CTNND2: variants seen among roughly 807,000 people sequenced by gnomAD.
CTNND2 encodes the protein catenin delta-2.
A neutral mutation model predicts 144.4 loss-of-function variants in CTNND2; 22 were observed. The observed-to-expected ratio is 0.15, with a 90% CI of 0.11 to 0.22. CTNND2 has a LOEUF of 0.22. Ranked by LOEUF, CTNND2 falls within the 10% of genes least tolerant of loss-of-function variation. The pLI, the probability that CTNND2 is intolerant of heterozygous loss-of-function variation, is 1.00. For synonymous variants in CTNND2, 751 were observed against 695.6 expected, an observed-to-expected ratio of 1.08 and a Z score of -1.25; for missense variants, 1,353 against 1,618.8, an observed-to-expected ratio of 0.84 and a Z score of 2.82.
chr5:10,994,371 A>AGC (rs1333121919), intron 18 of CTNND2, among the ~76,000 whole-genome samples: 1 of 19,866 alleles, frequency 5.0e-5, no homozygotes, highest in Non-Finnish European at 9.7e-5. Context: ...GGGAAGGAGG[A>AGC]AGGGGCCGGG....
At chr5:11,151,481 A>C (rs1455991797) in intron 12 of CTNND2, among the ~76,000 whole-genome samples, 1 of 152,244 alleles carries the variant, frequency 6.6e-6, no homozygotes, top group African/African-American at 2.4e-5. Context: ...ATAATTCACT[A>C]AACTTTTTCA....
chr5:11,754,858 TA>T (rs1788842399), intron 1 of CTNND2, among the ~76,000 whole-genome samples: 1 of 151,624 alleles, frequency 6.6e-6, no homozygotes, highest in African/African-American at 2.4e-5. Flanking sequence ...GTGGGGTAAG[TA>T]TCTTAAAGAC....
At chr5:11,398,586 G>GAA (rs367721323) in intron 5 of CTNND2, among the ~76,000 whole-genome samples, 3 of 145,258 alleles carry the variant, frequency 2.1e-5, no homozygotes, top group East Asian at 2.0e-4. Flanking sequence ...GCGGTTTCTG[G>GAA]AAAAAAAAAA....
At chr5:11,162,121 C>T (rs1758829464) in intron 11 of CTNND2, among the ~76,000 whole-genome samples, 1 of 151,500 alleles carries the variant, frequency 6.6e-6, no homozygotes, top group Admixed American at 6.6e-5. Flanking sequence ...CCACTGTACT[C>T]CAGCCTGGGT....
intron 11 of CTNND2, among the ~76,000 whole-genome samples, chr5:11,180,261 G>T (rs1323297314): frequency 6.6e-6 from 1 of 151,912 alleles, no homozygotes; most frequent in African/African-American, 2.4e-5. Context: ...CTTCCTTTTG[G>T]CCTTCCGCTA....
intron 6 of CTNND2, among the ~76,000 whole-genome samples, chr5:11,393,239 A>C (rs1294852268): frequency 1.3e-5 from 2 of 152,214 alleles, no homozygotes; most frequent in Non-Finnish European, 2.9e-5. Flanking sequence ...ACCACTGTTC[A>C]GTTTTATTTT....
intron 2 of CTNND2, among the ~76,000 whole-genome samples, chr5:11,675,134 C>T (rs1173840693): frequency 5.9e-5 from 9 of 151,808 alleles, no homozygotes; most frequent in East Asian, 1.9e-4. Flanking sequence ...CTGAAACGGA[C>T]GGAACTGAAG....
intron 16 of CTNND2, among the ~76,000 whole-genome samples, chr5:11,076,870 C>T (rs747051079): frequency 6.6e-6 from 1 of 152,130 alleles, no homozygotes; most frequent in African/African-American, 2.4e-5. Context: ...AAAGAATGAT[C>T]TACGAAGAAT....
At chr5:11,467,706 G>A (rs1022935575) in intron 3 of CTNND2, among the ~76,000 whole-genome samples, 2 of 152,180 alleles carry the variant, frequency 1.3e-5, no homozygotes, top group Non-Finnish European at 2.9e-5. Flanking sequence ...TGTTATTTAA[G>A]CAGCAGTTTT....
At chr5:11,159,301 A>T (rs1428296792) in intron 12 of CTNND2, among the ~76,000 whole-genome samples, 1 of 152,200 alleles carries the variant, frequency 6.6e-6, no homozygotes, top group Admixed American at 6.5e-5. Context: ...AAAATGACTT[A>T]TTTTGGGTTG....
intron 2 of CTNND2, among the ~76,000 whole-genome samples, chr5:11,626,468 G>A (rs1282722179): frequency 1.3e-5 from 2 of 152,144 alleles, no homozygotes; most frequent in Non-Finnish European, 2.9e-5. Flanking sequence ...TATCATATTA[G>A]GAATGTACAC....
intron 12 of CTNND2, among the ~76,000 whole-genome samples, chr5:11,137,376 G>A (rs534463222): frequency 5.3e-5 from 8 of 152,110 alleles, no homozygotes; most frequent in East Asian, 3.9e-4. Context: ...GTATCTAGTC[G>A]TCTAGAGCAA....
At chr5:11,339,851 CT>C (rs1349555336) in intron 9 of CTNND2, among the ~76,000 whole-genome samples, 35 of 152,282 alleles carry the variant, frequency 2.3e-4, no homozygotes, top group African/African-American at 8.4e-4. Flanking sequence ...GAAATAAATT[CT>C]TTTCATATCA....
chr5:11,184,900 G>A (rs777879620), intron 11 of CTNND2, among the ~76,000 whole-genome samples: 6 of 152,132 alleles, frequency 3.9e-5, no homozygotes, highest in Non-Finnish European at 5.9e-5. Context: ...GTTTGAACCC[G>A]CAGCACTCGG....
chr5:11,445,169 C>A (rs1764691896), intron 3 of CTNND2, among the ~76,000 whole-genome samples: 1 of 152,182 alleles, frequency 6.6e-6, no homozygotes, highest in African/African-American at 2.4e-5. Context: ...TCCCTGCTGG[C>A]TTCTGCTGGT....
intron 2 of CTNND2, among the ~76,000 whole-genome samples, chr5:11,601,786 C>A (rs774776183): frequency 3.3e-5 from 5 of 151,980 alleles, no homozygotes; most frequent in African/African-American, 7.3e-5. Context: ...TAATTTAGAT[C>A]AAAATTCTTA....
At chr5:11,448,678 T>C (rs538901632) in intron 3 of CTNND2, among the ~76,000 whole-genome samples, 4 of 152,270 alleles carry the variant, frequency 2.6e-5, no homozygotes, top group Admixed American at 2.6e-4. Flanking sequence ...CTGAAACATA[T>C]ATATTTTTTG....
intron 3 of CTNND2, among the ~76,000 whole-genome samples, chr5:11,428,599 G>C (rs1763000431): frequency 6.6e-6 from 1 of 152,080 alleles, no homozygotes; most frequent in African/African-American, 2.4e-5. Flanking sequence ...CTTTTTTGTT[G>C]CATTGGGAAG....
chr5:11,116,286 T>A (rs1300698303), intron 13 of CTNND2, among the ~76,000 whole-genome samples: 1 of 152,208 alleles, frequency 6.6e-6, no homozygotes, highest in Admixed American at 6.5e-5. Flanking sequence ...GAGACACTGT[T>A]GTTTGTTACT....
Sources: allele counts gnomAD v4.1 joint callset (sites outside exome capture counted in the v4.1 genomes callset), GRCh38; gene constraint gnomAD v4.1.1; transcripts MANE v1.5; gene names NCBI Gene and HGNC (gene_info 2026-07-23, HGNC 2026-07-21).